The following NSMCE2 variants were observed in gnomAD, a reference collection of about 807,000 sequenced individuals.
The protein encoded by NSMCE2 is NSE2 SUMO ligase component of SMC5/6 complex, also known as E3 SUMO-protein ligase NSE2.
NSMCE2 carries 24 observed loss-of-function variants against 23.8 expected under a neutral mutation model. The observed-to-expected ratio is 1.01, with a 90% CI of 0.73 to 1.42. NSMCE2 has a LOEUF of 1.42. Among genes scored for constraint, NSMCE2 ranks in the 40% most tolerant of loss-of-function variants. The pLI is 0.00. For synonymous variants in NSMCE2, 92 were observed against 94.1 expected, an observed-to-expected ratio of 0.98 and a Z score of 0.13; for missense variants, 284 against 296.5, an observed-to-expected ratio of 0.96 and a Z score of 0.31.
chr8:125,300,737 G>C (rs1828527559), intron 5 of NSMCE2, among the ~76,000 whole-genome samples: 1 of 152,178 alleles, frequency 6.6e-6, no homozygotes, highest in African/African-American at 2.4e-5. Flanking sequence ...GGTGCTTTGA[G>C]AGTAGAAAGG....
chr8:125,307,340 A>G (rs1194862564), intron 5 of NSMCE2, among the ~76,000 whole-genome samples: 3 of 152,354 alleles, frequency 2.0e-5, no homozygotes, highest in Middle Eastern at 3.4e-3. Context: ...AGTATATGAT[A>G]AAGAAGATAG....
chr8:125,130,136 C>T (rs568976531), intron 3 of NSMCE2: 2 of 389,220 alleles, frequency 5.1e-6, no homozygotes, highest in South Asian at 1.9e-5. Context: ...TTTGAGGAAT[C>T]CTGCTTAGGT....
At chr8:125,343,658 A>G (rs558555765) in intron 5 of NSMCE2, among the ~76,000 whole-genome samples, 4 of 151,964 alleles carry the variant, frequency 2.6e-5, no homozygotes, top group Admixed American at 6.6e-5. Context: ...AAAAAAAATT[A>G]AAGTATGACA....
At chr8:125,263,535 A>C (rs556834531) in intron 5 of NSMCE2, among the ~76,000 whole-genome samples, 34 of 152,278 alleles carry the variant, frequency 2.2e-4, no homozygotes, top group Admixed American at 6.5e-4. Context: ...AGATCACCTG[A>C]GGTCAGGAGT....
intron 5 of NSMCE2, among the ~76,000 whole-genome samples, chr8:125,216,886 A>G (rs1453540846): frequency 3.3e-5 from 5 of 152,194 alleles, no homozygotes; most frequent in Non-Finnish European, 5.9e-5. Flanking sequence ...GTTCTGGTAA[A>G]TTATTTATAG....
intron 4 of NSMCE2, among the ~76,000 whole-genome samples, chr8:125,174,269 C>G (rs1290380652): frequency 2.6e-5 from 4 of 152,030 alleles, no homozygotes; most frequent in African/African-American, 9.7e-5. Context: ...TATAATATCT[C>G]CAAGGCCTAG....
intron 3 of NSMCE2, among the ~76,000 whole-genome samples, chr8:125,136,911 G>A (rs1178633317): frequency 6.6e-6 from 1 of 152,116 alleles, no homozygotes; most frequent in African/African-American, 2.4e-5. Flanking sequence ...TCTAAAATGT[G>A]AGACATCTTT....
chr8:125,111,834 A>G (rs768195876), intron 3 of NSMCE2, among the ~76,000 whole-genome samples: 2 of 152,198 alleles, frequency 1.3e-5, no homozygotes. Context: ...TTACTTGATA[A>G]TTGGATATGT....
rs370549275 is a variant in NSMCE2 at position 125,173,523 on chromosome 8, T to C, written c.265-8580T>C. On this transcript the variant is annotated intron_variant, in intron 4 of 7. Transcript: ENST00000287437. ...TTCTGAAAGATGATCTTCTAGATGATAGGGTATGTGGTAAGAAGAGCAATC... is the reference window on the plus strand; with the variant it reads ...TTCTGAAAGATGATCTTCTAGATGACAGGGTATGTGGTAAGAAGAGCAATC... Among the ~76,000 whole-genome samples the C allele has an allele frequency of 1.8e-4, 28 of 152,312 alleles. No homozygotes were observed. The East Asian group carries it at 4.8e-3, about 26-fold the overall frequency.
rs2131170236 is a variant in NSMCE2 at position 125,293,454 on chromosome 8, T to A, written c.419-63765T>A. The stretch of plus-strand genomic sequence containing the variant: ...CATATAGAGCTAATTATTCTTTGTT[T>A]ATTTTTATTTACTGACTCCAGTGGG... On this transcript the variant is annotated intron_variant, in intron 5 of 7. Transcript: ENST00000287437. Among the ~76,000 whole-genome samples the A allele has an allele frequency of 2.0e-5, 3 of 152,004 alleles. No individual in the cohort carries two copies. In the South Asian group the frequency reaches 6.3e-4, roughly 32 times the overall value.
intron 3 of NSMCE2, among the ~76,000 whole-genome samples, chr8:125,105,740 A>T (rs1417618612): frequency 6.6e-6 from 1 of 152,148 alleles, no homozygotes; most frequent in African/African-American, 2.4e-5. Context: ...ATAAAACTTT[A>T]TTTACAAAAA....
rs1563780162 is a variant in NSMCE2 at position 125,316,714 on chromosome 8, CCTT to C, written c.419-40501_419-40499del. On this transcript the variant is annotated intron_variant, in intron 5 of 7. Coordinates refer to ENST00000287437, the MANE Select transcript of NSMCE2 (RefSeq NM_173685.4). ...TCCTTCTTTCCTTCCTTCCTTCTTT[CCTT>C]CTTTCTTTCCTTCTTTTCCTTCCTT... 9.7e-4 allele frequency among the ~76,000 whole-genome samples: 108 copies of C among 111,540 alleles called. 3 individuals are homozygous for C. The East Asian group carries it at 0.025, about 26-fold the overall frequency. The allele number at this position is 111,540 out of a possible 152,430, so 73.2% of individuals were successfully genotyped here. A position where few individuals can be genotyped will look rare whatever the true frequency, so the allele number is the denominator to read the frequency against.
chr8:125,315,339 T>A (rs1829139408), intron 5 of NSMCE2, among the ~76,000 whole-genome samples: 1 of 152,144 alleles, frequency 6.6e-6, no homozygotes, highest in Admixed American at 6.5e-5. Context: ...TGGGAAAGCT[T>A]CCATTTGGGT....
At chr8:125,272,846 TACAC>T (rs10635587) in intron 5 of NSMCE2, among the ~76,000 whole-genome samples, 2 of 139,680 alleles carry the variant, frequency 1.4e-5, no homozygotes, top group Non-Finnish European at 3.1e-5. Context: ...CACACGTATA[TACAC>T]ACACACATAT....
At chr8:125,295,180 C>T (rs987357116) in intron 5 of NSMCE2, among the ~76,000 whole-genome samples, 2 of 152,048 alleles carry the variant, frequency 1.3e-5, no homozygotes, top group African/African-American at 4.8e-5. Context: ...ATTTTTAGCC[C>T]CTTGCTTATA....
At chr8:125,359,571 G>C (rs1465707160) in intron 7 of NSMCE2, among the ~76,000 whole-genome samples, 3 of 152,074 alleles carry the variant, frequency 2.0e-5, no homozygotes, top group African/African-American at 7.2e-5. Context: ...GAGCTCAGGT[G>C]ATCTGCCCGC....
intron 4 of NSMCE2, among the ~76,000 whole-genome samples, chr8:125,153,199 C>T (rs1250977917): frequency 6.6e-6 from 1 of 151,716 alleles, no homozygotes; most frequent in Non-Finnish European, 1.5e-5. Flanking sequence ...GAGGTTTCAT[C>T]TCATTATCCT....
At chr8:125,106,006 T>C (rs566832901) in intron 3 of NSMCE2, among the ~76,000 whole-genome samples, 1 of 151,520 alleles carries the variant, frequency 6.6e-6, no homozygotes, top group Non-Finnish European at 1.5e-5. Context: ...GGACTTCTTA[T>C]GAACTCAATA....
intron 3 of NSMCE2, among the ~76,000 whole-genome samples, chr8:125,150,493 G>A (rs1175992372): frequency 8.5e-6 from 1 of 116,984 alleles, no homozygotes; most frequent in African/African-American, 3.4e-5. Context: ...GAGTGCAATA[G>A]CATGATCTCA....
Sources: allele counts gnomAD v4.1 joint callset (sites outside exome capture counted in the v4.1 genomes callset), GRCh38; gene constraint gnomAD v4.1.1; transcripts MANE v1.5; gene names NCBI Gene and HGNC (gene_info 2026-07-23, HGNC 2026-07-21).